Variants in ENTPD7 observed in about 807,000 individuals in gnomAD.
The protein encoded by ENTPD7 is ectonucleoside triphosphate diphosphohydrolase 7.
In ENTPD7, 53 loss-of-function variants were observed where a neutral mutation model predicts 77.9. That is an observed-to-expected ratio of 0.68 (90% CI 0.55 to 0.85). The LOEUF (loss-of-function observed/expected upper bound fraction) is 0.85. ENTPD7 is among the 40% of genes least tolerant of loss of function. ENTPD7 has a pLI of 0.00. For missense variants in ENTPD7, 636 were observed against 743.7 expected, an observed-to-expected ratio of 0.86 and a Z score of 1.68; for synonymous variants, 248 against 274.9, an observed-to-expected ratio of 0.90 and a Z score of 0.97.
chr10:99,677,217 T>G (rs892555912), intron 3 of ENTPD7, among the ~76,000 whole-genome samples: 4 of 152,184 alleles, frequency 2.6e-5, no homozygotes, highest in African/African-American at 9.7e-5. Flanking sequence ...TTTGTAATGC[T>G]GAATCTTGTT....
Position 99,659,990 on chromosome 10 carries a change from CT to C in ENTPD7, c.8+27del. On this transcript the variant is annotated intron_variant, in intron 2 of 12. Coordinates refer to ENST00000370489, the MANE Select transcript of ENTPD7 (RefSeq NM_020354.5). This position sits in a 1 kb window ranked among gnomAD's most constrained non-coding sequence, Gnocchi z 4.1. ...GTAAGGCTGCACACTTTCCCTCCGGCTGGGAGCACGGCAGAGGATGGCAGGC... is the reference window on the plus strand; with the variant it reads ...GTAAGGCTGCACACTTTCCCTCCGGCGGGAGCACGGCAGAGGATGGCAGGC... 1 of 1,613,768 alleles carries C rather than the reference CT, an allele frequency of 6.2e-7. No individual in the cohort carries two copies. Among genetic ancestry groups the C allele is most frequent in the Non-Finnish European group, 8.5e-7 (1 of 1,179,912 alleles).
At chr10:99,671,181 C>T (rs1326391631) in intron 3 of ENTPD7, among the ~76,000 whole-genome samples, 3 of 151,924 alleles carry the variant, frequency 2.0e-5, no homozygotes, top group African/African-American at 7.2e-5. Context: ...ATTTAGGCTA[C>T]ACTAAATTTA....
chr10:99,666,532 C>T (rs939036244), intron 3 of ENTPD7, among the ~76,000 whole-genome samples: 1 of 152,082 alleles, frequency 6.6e-6, no homozygotes. Context: ...AAAGAAAGCT[C>T]ACTTTGGTGG....
At chr10:99,693,720 C>T (rs2035920403) in intron 8 of ENTPD7, among the ~76,000 whole-genome samples, 1 of 152,120 alleles carries the variant, frequency 6.6e-6, no homozygotes, top group Non-Finnish European at 1.5e-5. Flanking sequence ...GAGTTTAGGA[C>T]CAGTCTGGCC....
chr10:99,704,793 T>C lies in ENTPD7; in HGVS notation c.*110T>C. The C allele has an allele frequency of 9.8e-7, 1 of 1,021,502 alleles. No individual in the cohort carries two copies. Among genetic ancestry groups the C allele is most frequent in the Non-Finnish European group, 1.4e-6 (1 of 699,842 alleles). The allele number at this position is 1,021,502 out of a possible 1,614,324, so 63.3% of individuals were successfully genotyped here. A position where few individuals can be genotyped will look rare whatever the true frequency, so the allele number is the denominator to read the frequency against. The stretch of plus-strand genomic sequence containing the variant: ...TGTGATGTCTGACCTTGTGGATATT[T>C]GCCCTTGGAATTTCTACTTTACTTT... On this transcript the variant is annotated 3_prime_UTR_variant, in exon 13 of 13. Transcript: ENST00000370489.
At chr10:99,676,675 A>C (rs1344642320) in intron 3 of ENTPD7, among the ~76,000 whole-genome samples, 1 of 152,208 alleles carries the variant, frequency 6.6e-6, no homozygotes, top group Non-Finnish European at 1.5e-5. Flanking sequence ...CCCAGCTCTC[A>C]TATGATAGAA....
At chr10:99,702,443 G>A (rs1190191658) in intron 11 of ENTPD7, 69 bp from the exon 12 acceptor site, 5 of 1,354,892 alleles carry the variant, frequency 3.7e-6, no homozygotes, top group Non-Finnish European at 4.9e-6. Flanking sequence ...ATACGGAGTG[G>A]CTTATTGCAA....
chr10:99,708,791 A>G lies in ENTPD7; in HGVS notation c.*4108A>G, dbSNP rs1183928615. The G allele has an allele frequency of 2.1e-5, 21 of 983,868 alleles. No homozygotes were observed. Among genetic ancestry groups the G allele is most frequent in the Non-Finnish European group, 2.5e-5 (21 of 828,530 alleles). The allele number at this position is 983,868 out of a possible 1,614,324, so 60.9% of individuals were successfully genotyped here. A position where few individuals can be genotyped will look rare whatever the true frequency, so the allele number is the denominator to read the frequency against. On this transcript the variant is annotated 3_prime_UTR_variant, in exon 13 of 13. Coordinates refer to ENST00000370489, the MANE Select transcript of ENTPD7 (RefSeq NM_020354.5). ...AAAACTGAGGCCTAGAGCAGTTGTA[A>G]TATGTGCAAAGTCATAGTGACTGGC...
chr10:99,682,093 C>T (rs2035761130), intron 5 of ENTPD7, among the ~76,000 whole-genome samples: 1 of 152,028 alleles, frequency 6.6e-6, no homozygotes, highest in Non-Finnish European at 1.5e-5. Context: ...ATCAATGAGA[C>T]CATTGCCAAC....
intron 3 of ENTPD7, among the ~76,000 whole-genome samples, chr10:99,675,619 T>C (rs1421261181): frequency 1.5e-5 from 2 of 137,378 alleles, no homozygotes; most frequent in Admixed American, 8.0e-5. Flanking sequence ...TTTTTTGAGA[T>C]GGAGTCTCGC....
intron 7 of ENTPD7, 70 bp downstream of exon 7, chr10:99,688,820 C>A: frequency 7.2e-7 from 1 of 1,383,956 alleles, no homozygotes; most frequent in Non-Finnish European, 1.0e-6. Flanking sequence ...CTATCAGTAG[C>A]ATGTAAATGC....
At chr10:99,672,134 A>G (rs1410637262) in intron 3 of ENTPD7, among the ~76,000 whole-genome samples, 1 of 152,066 alleles carries the variant, frequency 6.6e-6, no homozygotes, top group Non-Finnish European at 1.5e-5. Context: ...GGTGCATGCC[A>G]CCGTGCCTGG....
rs2035869455 is a variant in ENTPD7, at chr10:99,690,609, C to G, written c.710-776C>G. 2.0e-5 allele frequency among the ~76,000 whole-genome samples: 3 copies of G among 148,838 alleles called. No homozygotes were observed. In the South Asian group the frequency reaches 6.3e-4, roughly 31 times the overall value. ...CCAGGCTGGAGTGCAGTGGTGCAATCTCGGCTCACTACAACCTCCGCCTGT... is the reference window on the plus strand; with the variant it reads ...CCAGGCTGGAGTGCAGTGGTGCAATGTCGGCTCACTACAACCTCCGCCTGT... On this transcript the variant is annotated intron_variant, in intron 7 of 12. Coordinates refer to ENST00000370489, the MANE Select transcript of ENTPD7 (RefSeq NM_020354.5).
At chr10:99,684,129 C>T (rs753508889) in intron 5 of ENTPD7, among the ~76,000 whole-genome samples, 3 of 152,150 alleles carry the variant, frequency 2.0e-5, no homozygotes, top group Non-Finnish European at 4.4e-5. Context: ...GATCTCGGCT[C>T]ACTGCAACCT....
intron 5 of ENTPD7, among the ~76,000 whole-genome samples, chr10:99,680,851 T>G (rs2035744831): frequency 6.6e-6 from 1 of 152,164 alleles, no homozygotes; most frequent in Admixed American, 6.5e-5. Flanking sequence ...CGCTGGGATT[T>G]CAAGCGTCAG....
intron 5 of ENTPD7, among the ~76,000 whole-genome samples, chr10:99,682,865 G>C (rs1296054477): frequency 6.6e-6 from 1 of 152,190 alleles, no homozygotes; most frequent in Non-Finnish European, 1.5e-5. Flanking sequence ...AGGTTAAAAA[G>C]GCAGAATTGA....
At chr10:99,694,132 C>T (rs1183683718) in intron 8 of ENTPD7, among the ~76,000 whole-genome samples, 6 of 152,050 alleles carry the variant, frequency 3.9e-5, no homozygotes, top group East Asian at 1.9e-4. Context: ...AACATTTCAT[C>T]GCCCCAAAAA....
At chr10:99,702,747 C>A in intron 12 of ENTPD7, 74 bp downstream of exon 12, 2 of 1,125,620 alleles carry the variant, frequency 1.8e-6, no homozygotes, top group Non-Finnish European at 2.4e-6. Flanking sequence ...CGGTTTCTTT[C>A]TTTTTTTTTT....
intron 8 of ENTPD7, among the ~76,000 whole-genome samples, chr10:99,692,749 G>A (rs957253209): frequency 6.6e-6 from 1 of 152,128 alleles, no homozygotes; most frequent in South Asian, 2.1e-4. Context: ...TAAGGGGACT[G>A]GCTTTTATTT....
Sources: gnomAD v4.1 joint callset for allele counts (sites outside exome capture counted in the v4.1 genomes callset) on GRCh38, gnomAD v4.1.1 for gene constraint, Gnocchi (gnomAD v3.1) non-coding constraint, MANE v1.5 for transcripts, NCBI Gene and HGNC (gene_info 2026-07-23, HGNC 2026-07-21) for gene names.